FOXP1: variants seen among roughly 807,000 people sequenced by gnomAD.
The protein encoded by FOXP1 is forkhead box P1.
FOXP1 carries 15 observed loss-of-function variants against 98.2 expected under a neutral mutation model. That is an observed-to-expected ratio of 0.15 (90% CI 0.10 to 0.24). The LOEUF (loss-of-function observed/expected upper bound fraction) is 0.24, where lower values mean the gene tolerates loss of function less well. Among genes scored for constraint, FOXP1 ranks in the 10% least tolerant of loss-of-function variants. The pLI, the probability that FOXP1 is intolerant of heterozygous loss-of-function variation, is 1.00. For missense variants in FOXP1, 633 were observed against 848.5 expected (o/e 0.75, Z 3.15); for synonymous variants, 371 against 314.5 (o/e 1.18, Z -1.90).
At chr3:71,045,205 T>G (rs1379306967) in intron 10 of FOXP1, among the ~76,000 whole-genome samples, 1 of 152,232 alleles carries the variant, frequency 6.6e-6, no homozygotes, top group African/African-American at 2.4e-5. Context: ...CTAATAGTTA[T>G]AGCAGACTGC....
chr3:71,063,616 A>C (rs897907542), intron 7 of FOXP1, among the ~76,000 whole-genome samples: 2 of 152,262 alleles, frequency 1.3e-5, no homozygotes, highest in African/African-American at 4.8e-5. Context: ...TGATAAAATA[A>C]ATGTAACTTA....
chr3:70,999,849 C>T (rs780424179), intron 13 of FOXP1, among the ~76,000 whole-genome samples: 1 of 152,182 alleles, frequency 6.6e-6, no homozygotes, highest in Non-Finnish European at 1.5e-5. Flanking sequence ...ATCTCAGCAT[C>T]GCTGTCTTGC....
intron 6 of FOXP1, among the ~76,000 whole-genome samples, chr3:71,146,252 A>C (rs1390673016): frequency 1.3e-5 from 2 of 152,214 alleles, no homozygotes; most frequent in Non-Finnish European, 2.9e-5. Flanking sequence ...CCAGGTAATA[A>C]ATCAAAGAAG....
intron 3 of FOXP1, among the ~76,000 whole-genome samples, chr3:71,479,688 A>G (rs796796247): frequency 1.5e-4 from 23 of 151,804 alleles, no homozygotes; most frequent in African/African-American, 5.1e-4. Flanking sequence ...TCAAAAAAAA[A>G]AAAAAGAAAA....
chr3:71,179,497 T>G (rs908674597), intron 6 of FOXP1, among the ~76,000 whole-genome samples: 1 of 152,116 alleles, frequency 6.6e-6, no homozygotes, highest in African/African-American at 2.4e-5. Context: ...AGAAAAACAT[T>G]AGCCCATGAA....
intron 7 of FOXP1, among the ~76,000 whole-genome samples, chr3:71,099,849 T>G (rs2056804159): frequency 6.6e-6 from 1 of 152,180 alleles, no homozygotes; most frequent in South Asian, 2.1e-4. Context: ...GGCAGTCCAG[T>G]GTAAAAGATC....
At chr3:71,498,149 G>A (rs2091543844) in intron 2 of FOXP1, among the ~76,000 whole-genome samples, 1 of 152,190 alleles carries the variant, frequency 6.6e-6, no homozygotes, top group Admixed American at 6.5e-5. Flanking sequence ...AATGCCACCG[G>A]GGCCTGCCTT....
chr3:70,978,975 G>A (rs940592895), intron 14 of FOXP1, among the ~76,000 whole-genome samples: 2 of 152,078 alleles, frequency 1.3e-5, no homozygotes, highest in Admixed American at 1.3e-4. Flanking sequence ...AAGTAGAAGA[G>A]AATAAAATAG....
At chr3:71,066,712 T>G (rs1161695126) in intron 7 of FOXP1, among the ~76,000 whole-genome samples, 2 of 152,254 alleles carry the variant, frequency 1.3e-5, no homozygotes, top group Non-Finnish European at 2.9e-5. Context: ...GTTTTAATGT[T>G]TATAAACAAA....
chr3:71,311,247 C>A (rs2107620936), intron 4 of FOXP1, among the ~76,000 whole-genome samples: 1 of 152,232 alleles, frequency 6.6e-6, no homozygotes, highest in Non-Finnish European at 1.5e-5. Context: ...TGCCACCATG[C>A]CTCACTAGTT....
chr3:71,236,958 G>A (rs1576523812), intron 5 of FOXP1, among the ~76,000 whole-genome samples: 1 of 151,362 alleles, frequency 6.6e-6, no homozygotes, highest in South Asian at 2.1e-4. Flanking sequence ...ATTGGGCCAG[G>A]TGCGGTGGCT....
chr3:71,048,213 A>G (rs2049306184), intron 9 of FOXP1, among the ~76,000 whole-genome samples: 1 of 152,218 alleles, frequency 6.6e-6, no homozygotes, highest in African/African-American at 2.4e-5. Context: ...TCAAAAGATC[A>G]GAGAGACTTT....
At chr3:71,511,701 A>G (rs968855572) in intron 2 of FOXP1, among the ~76,000 whole-genome samples, 1 of 152,186 alleles carries the variant, frequency 6.6e-6, no homozygotes, top group Non-Finnish European at 1.5e-5. Context: ...TTGATGGCCT[A>G]CATAATGATC....
At chr3:71,346,079 T>C (rs2077341543) in intron 4 of FOXP1, among the ~76,000 whole-genome samples, 1 of 152,054 alleles carries the variant, frequency 6.6e-6, no homozygotes, top group African/African-American at 2.4e-5. Flanking sequence ...AAAATGGCCA[T>C]AGGTCTAGGT....
chr3:71,369,587 G>T (rs192081791), intron 3 of FOXP1, among the ~76,000 whole-genome samples: 1 of 152,182 alleles, frequency 6.6e-6, no homozygotes, highest in African/African-American at 2.4e-5. Flanking sequence ...TAGAGACGGG[G>T]TTTCACCATG....
At chr3:71,048,748 A>C (rs1471828307) in intron 9 of FOXP1, among the ~76,000 whole-genome samples, 2 of 151,628 alleles carry the variant, frequency 1.3e-5, no homozygotes, top group African/African-American at 4.9e-5. Context: ...AGAGAAAAAA[A>C]CAACATTGAC....
rs192965354 is a variant in FOXP1, at chr3:71,241,498, G to T, written c.-11-43106C>A. ...ACCCTCTAATCCTTCTTTCTTAAAG[G>T]AACACTCAGCAAGATAATGAATCCT... On this transcript the variant is annotated intron_variant, in intron 5 of 20. Coordinates refer to ENST00000649528, the MANE Select transcript of FOXP1 (RefSeq NM_001349338.3). Among the ~76,000 whole-genome samples, 12 of 152,204 alleles carry T rather than the reference G, an allele frequency of 7.9e-5. No individual in the cohort carries two copies. In the East Asian group the frequency reaches 2.3e-3, roughly 29 times the overall value.
At chr3:71,070,662 C>A (rs1358636639) in intron 7 of FOXP1, among the ~76,000 whole-genome samples, 1 of 152,164 alleles carries the variant, frequency 6.6e-6, no homozygotes, top group African/African-American at 2.4e-5. Flanking sequence ...CCTCCGCGCA[C>A]GTGTGGGCCA....
At chr3:70,975,082 G>A (rs2037212944) in intron 17 of FOXP1, among the ~76,000 whole-genome samples, 1 of 152,170 alleles carries the variant, frequency 6.6e-6, no homozygotes, top group South Asian at 2.1e-4. Flanking sequence ...GTATTTATGA[G>A]TCACTATTTC....
Sources: gnomAD v4.1 joint callset for allele counts (sites outside exome capture counted in the v4.1 genomes callset) on GRCh38, gnomAD v4.1.1 for gene constraint, MANE v1.5 for transcripts, NCBI Gene and HGNC (gene_info 2026-07-23, HGNC 2026-07-21) for gene names.